CDH18: variants seen among roughly 807,000 people sequenced by gnomAD.
The protein encoded by CDH18 is cadherin 18, also known as cadherin-18.
CDH18 carries 31 observed loss-of-function variants against 67.9 expected under a neutral mutation model. That is an observed-to-expected ratio of 0.46 (90% CI 0.34 to 0.62). The LOEUF (loss-of-function observed/expected upper bound fraction) is 0.62, where lower values mean the gene tolerates loss of function less well. Among genes scored for constraint, CDH18 ranks in the 20% least tolerant of loss-of-function variants. The probability of loss-of-function intolerance (pLI) is 0.01; values close to 1 mark genes in which losing one functional copy is unlikely to be tolerated. For synonymous variants in CDH18, 362 were observed against 347.2 expected (o/e 1.04, Z -0.48); for missense variants, 890 against 975.5 (o/e 0.91, Z 1.17).
chr5:19,510,406 CTTAAAG>C (rs1698043081), intron 10 of CDH18, among the ~76,000 whole-genome samples: 1 of 152,100 alleles, frequency 6.6e-6, no homozygotes, highest in African/African-American at 2.4e-5. Context: ...TCAATTAAAG[CTTAAAG>C]TTATTTTGGT....
chr5:19,909,283 T>C (rs1440408168), intron 2 of CDH18, among the ~76,000 whole-genome samples: 1 of 147,892 alleles, frequency 6.8e-6, no homozygotes, highest in Admixed American at 6.9e-5. Context: ...AGAACGCAAG[T>C]AAAGTGGTTT....
At chr5:19,842,145 C>A (rs1295457166) in intron 2 of CDH18, among the ~76,000 whole-genome samples, 4 of 152,194 alleles carry the variant, frequency 2.6e-5, no homozygotes, top group Non-Finnish European at 5.9e-5. Context: ...CATTTTATGA[C>A]TGAGCAGTGT....
chr5:20,391,352 C>G (rs892146378), intron 1 of CDH18, among the ~76,000 whole-genome samples: 4 of 151,580 alleles, frequency 2.6e-5, no homozygotes, highest in African/African-American at 7.3e-5. Flanking sequence ...ATTGCATGGT[C>G]TTTATCTAAA....
chr5:20,156,140 T>C (rs1025945038), intron 2 of CDH18, among the ~76,000 whole-genome samples: 1 of 152,100 alleles, frequency 6.6e-6, no homozygotes, highest in South Asian at 2.1e-4. Context: ...GGTGAGAATG[T>C]AAATTAGTAC....
At chr5:19,628,791 T>C (rs1214963499) in intron 5 of CDH18, among the ~76,000 whole-genome samples, 1 of 152,098 alleles carries the variant, frequency 6.6e-6, no homozygotes, top group Non-Finnish European at 1.5e-5. Flanking sequence ...ATAAAGATAC[T>C]ACTTAAAGCC....
chr5:20,413,779 A>G (rs559440612), intron 1 of CDH18, among the ~76,000 whole-genome samples: 41 of 152,164 alleles, frequency 2.7e-4, no homozygotes, highest in African/African-American at 8.4e-4. Flanking sequence ...TCACTCTGAT[A>G]GTAGTTTCTT....
At chr5:20,004,364 C>T (rs967570821) in intron 2 of CDH18, among the ~76,000 whole-genome samples, 1 of 152,158 alleles carries the variant, frequency 6.6e-6, no homozygotes, top group Admixed American at 6.5e-5. Flanking sequence ...ATCCTGTATT[C>T]CTCACATGAA....
intron 2 of CDH18, among the ~76,000 whole-genome samples, chr5:20,122,849 A>T (rs941157311): frequency 6.8e-6 from 1 of 147,982 alleles, no homozygotes; most frequent in Admixed American, 6.8e-5. Flanking sequence ...TATTCCCTAT[A>T]TAACATGTCT....
At chr5:19,586,523 C>G (rs1464380490) in intron 7 of CDH18, among the ~76,000 whole-genome samples, 15 of 152,146 alleles carry the variant, frequency 9.9e-5, no homozygotes, top group Non-Finnish European at 1.9e-4. Flanking sequence ...TATGTCCCTA[C>G]AAAGGACACG....
intron 2 of CDH18, among the ~76,000 whole-genome samples, chr5:19,998,348 A>G (rs1022541434): frequency 2.0e-5 from 3 of 152,180 alleles, no homozygotes; most frequent in African/African-American, 7.2e-5. Flanking sequence ...GACTTTGGAA[A>G]TGGATGGGTG....
intron 1 of CDH18, among the ~76,000 whole-genome samples, chr5:20,496,300 A>T (rs1753901205): frequency 6.6e-6 from 1 of 152,258 alleles, no homozygotes; most frequent in South Asian, 2.1e-4. Context: ...TGTGATGTTC[A>T]TGTTTTCGTT....
At chr5:20,389,164 C>T (rs1445019765) in intron 1 of CDH18, among the ~76,000 whole-genome samples, 4 of 151,996 alleles carry the variant, frequency 2.6e-5, no homozygotes. Flanking sequence ...TTAAAGTCTC[C>T]CACTATTATT....
chr5:20,384,459 T>C (rs1744156468), intron 1 of CDH18, among the ~76,000 whole-genome samples: 1 of 152,184 alleles, frequency 6.6e-6, no homozygotes, highest in African/African-American at 2.4e-5. Context: ...TGGGCATATA[T>C]ACCACATTTT....
intron 2 of CDH18, among the ~76,000 whole-genome samples, chr5:20,033,710 C>T (rs917680688): frequency 3.9e-5 from 6 of 151,948 alleles, no homozygotes; most frequent in Admixed American, 6.6e-5. Context: ...ATGCTTTTGG[C>T]AAACAATATG....
chr5:19,672,725 T>A (rs1171066611), intron 5 of CDH18, among the ~76,000 whole-genome samples: 1 of 152,054 alleles, frequency 6.6e-6, no homozygotes, highest in East Asian at 1.9e-4. Flanking sequence ...ACAGTATAAG[T>A]ATTATCTGTC....
intron 2 of CDH18, among the ~76,000 whole-genome samples, chr5:20,016,200 C>T (rs1737861852): frequency 6.6e-6 from 1 of 152,022 alleles, no homozygotes; most frequent in East Asian, 1.9e-4. Context: ...TTTTAGCAAA[C>T]TAACCCAGGA....
intron 1 of CDH18, among the ~76,000 whole-genome samples, chr5:20,501,565 ATATAATATATATATATTATATATATATAT>A (rs1351266876): frequency 0.1 from 1,510 of 14,970 alleles, 59 homozygotes; most frequent in East Asian, 0.14. Context: ...TAATATATAT[ATATAATATATATATATTATATATATATAT>A]TATATATATA....
chr5:19,899,656 T>C (rs1379320501), intron 2 of CDH18, among the ~76,000 whole-genome samples: 1 of 152,164 alleles, frequency 6.6e-6, no homozygotes, highest in African/African-American at 2.4e-5. Flanking sequence ...CCTATGCTCA[T>C]TGCAGCACTA....
intron 3 of CDH18, among the ~76,000 whole-genome samples, chr5:19,785,562 G>C (rs1338465796): frequency 2.7e-5 from 4 of 145,874 alleles, no homozygotes; most frequent in African/African-American, 1.0e-4. Context: ...GCTAAGGCAG[G>C]AGAATCGCTT....
Sources: gnomAD v4.1 joint callset for allele counts (sites outside exome capture counted in the v4.1 genomes callset) on GRCh38, gnomAD v4.1.1 for gene constraint, MANE v1.5 for transcripts, NCBI Gene and HGNC (gene_info 2026-07-23, HGNC 2026-07-21) for gene names.